The following ZNF407 variants were observed in gnomAD, a reference collection of about 807,000 sequenced individuals.
The protein encoded by ZNF407 is zinc finger protein 407.
ZNF407 carries 17 observed loss-of-function variants against 131.2 expected under a neutral mutation model. The observed-to-expected ratio is 0.13, with a 90% CI of 0.09 to 0.19. ZNF407 has a LOEUF of 0.19. Ranked by LOEUF, ZNF407 falls within the 10% of genes least tolerant of loss-of-function variation. The probability of loss-of-function intolerance (pLI) is 1.00; values close to 1 mark genes in which losing one functional copy is unlikely to be tolerated. For missense variants in ZNF407, 2,681 were observed against 2,830.6 expected, an observed-to-expected ratio of 0.95 and a Z score of 1.20; for synonymous variants, 1,156 against 1,062.0, an observed-to-expected ratio of 1.09 and a Z score of -1.72.
intron 7 of ZNF407, among the ~76,000 whole-genome samples, chr18:74,897,272 T>A (rs1238909235): frequency 6.6e-6 from 1 of 152,214 alleles, no homozygotes; most frequent in Non-Finnish European, 1.5e-5. Context: ...TTGGTTCACA[T>A]GTCTTTAAAA....
At chr18:74,814,554 T>G (rs1055007164) in intron 4 of ZNF407, among the ~76,000 whole-genome samples, 3 of 151,906 alleles carry the variant, frequency 2.0e-5, no homozygotes, top group Non-Finnish European at 4.4e-5. Context: ...AAATTCAGTT[T>G]GTTGAAGAAC....
intron 4 of ZNF407, among the ~76,000 whole-genome samples, chr18:74,824,523 A>G (rs1229585291): frequency 6.6e-6 from 1 of 152,206 alleles, no homozygotes; most frequent in Non-Finnish European, 1.5e-5. Context: ...AAAAAATGAT[A>G]AAGGGATATC....
rs772697324 is a variant in ZNF407, at chr18:74,889,961, A to G, written c.5172A>G (p.Thr1724=). ...GCGATGAGTGTAACTTTGCCTCCACAACTCAGTCCCATTTGACTCGGCATA... is the reference window on the plus strand; with the variant it reads ...GCGATGAGTGTAACTTTGCCTCCACGACTCAGTCCCATTTGACTCGGCATA... ...FKCDECNFAS[T]TQSHLTRHKR... Residue 1724 remains threonine (T), a synonymous_variant, in exon 7 of 9, where the codon ACA becomes ACG. Transcript: ENST00000299687. 2 of 1,610,066 alleles carry G rather than the reference A, an allele frequency of 1.2e-6. No homozygotes were observed. Among genetic ancestry groups the G allele is most frequent in the South Asian group, 2.2e-5 (2 of 89,968 alleles).
rs201946334 is a variant in ZNF407 at position 74,949,266 on chromosome 18, G to T, written c.5428+28574G>T. On this transcript the variant is annotated intron_variant, in intron 8 of 8. Coordinates refer to ENST00000299687, the MANE Select transcript of ZNF407 (RefSeq NM_017757.3). ...AAATGAAAAGCCCTTCGAACTATGA[G>T]CTAGTGGGTCTGGAACCCAGGCATT... Among the ~76,000 whole-genome samples the T allele has an allele frequency of 2.6e-5, 4 of 152,298 alleles. No homozygotes were observed. The East Asian group carries it at 7.7e-4, about 29-fold the overall frequency.
intron 3 of ZNF407, among the ~76,000 whole-genome samples, chr18:74,706,699 T>A (rs1170733098): frequency 1.3e-5 from 2 of 152,040 alleles, no homozygotes. Context: ...GCAAAGGGAT[T>A]GAGAGTGATT....
At chr18:74,971,288 C>G (rs375166410) in intron 8 of ZNF407, among the ~76,000 whole-genome samples, 1 of 152,224 alleles carries the variant, frequency 6.6e-6, no homozygotes, top group Non-Finnish European at 1.5e-5. Context: ...TTGCTACTTA[C>G]GCAAATTTCT....
intron 8 of ZNF407, among the ~76,000 whole-genome samples, chr18:74,947,870 A>G (rs1398525592): frequency 3.3e-5 from 5 of 152,120 alleles, no homozygotes; most frequent in African/African-American, 1.2e-4. Context: ...TCTTTTCTCC[A>G]TTTCTTATGA....
At chr18:74,851,509 C>T (rs1199422088) in intron 4 of ZNF407, among the ~76,000 whole-genome samples, 1 of 152,082 alleles carries the variant, frequency 6.6e-6, no homozygotes, top group African/African-American at 2.4e-5. Context: ...AGTATGGCCA[C>T]CTGAATGTGA....
At chr18:74,950,041 C>A (rs1972196333) in intron 8 of ZNF407, among the ~76,000 whole-genome samples, 1 of 152,136 alleles carries the variant, frequency 6.6e-6, no homozygotes, top group Non-Finnish European at 1.5e-5. Context: ...GTGTTTGAGG[C>A]CAAATGGGAA....
chr18:74,785,965 T>C (rs1969703362), intron 4 of ZNF407, among the ~76,000 whole-genome samples: 1 of 152,198 alleles, frequency 6.6e-6, no homozygotes, highest in African/African-American at 2.4e-5. Context: ...TGTGCAGTTG[T>C]GACTGATGCT....
chr18:74,650,368 A>C (rs552811257), intron 3 of ZNF407, among the ~76,000 whole-genome samples: 17 of 152,300 alleles, frequency 1.1e-4, no homozygotes, highest in African/African-American at 3.8e-4. Context: ...AGTCACTTTA[A>C]GGGATGCAAA....
intron 3 of ZNF407, among the ~76,000 whole-genome samples, chr18:74,730,682 T>C (rs1472057529): frequency 1.3e-5 from 2 of 152,236 alleles, no homozygotes; most frequent in Admixed American, 1.3e-4. Flanking sequence ...CGAAGACCCT[T>C]GGCAACCTTG....
At chr18:74,755,728 C>CCTTCCTTTCTTTCTTTCTTT (rs1555684064) in intron 3 of ZNF407, among the ~76,000 whole-genome samples, 63 of 63,476 alleles carry the variant, frequency 9.9e-4, no homozygotes, top group East Asian at 6.4e-3. Flanking sequence ...TTCTTTCTTT[C>CCTTCCTTTCTTTCTTTCTTT]CTTTCTTTCT....
intron 6 of ZNF407, among the ~76,000 whole-genome samples, chr18:74,888,097 AAGTC>A (rs1340340950): frequency 6.6e-6 from 1 of 152,202 alleles, no homozygotes; most frequent in Non-Finnish European, 1.5e-5. Context: ...TTTTCTAAGT[AAGTC>A]AGTATACTCA....
intron 3 of ZNF407, among the ~76,000 whole-genome samples, chr18:74,678,453 C>T (rs543878387): frequency 5.9e-5 from 9 of 152,302 alleles, no homozygotes; most frequent in East Asian, 1.9e-4. Context: ...CCATTTTCTG[C>T]GCACCTAGGC....
chr18:74,657,549 G>A (rs1245666342), intron 3 of ZNF407, among the ~76,000 whole-genome samples: 2 of 152,268 alleles, frequency 1.3e-5, no homozygotes, highest in African/African-American at 4.8e-5. Context: ...TTGTGTACAG[G>A]TATTAATGGA....
intron 3 of ZNF407, among the ~76,000 whole-genome samples, chr18:74,755,937 A>C (rs1470693673): frequency 4.0e-5 from 4 of 98,910 alleles, no homozygotes; most frequent in Admixed American, 1.7e-4. Context: ...TCTGTTGCCC[A>C]GGCTGGAGTG....
Position 74,653,396 on chromosome 18 carries a change from A to G in ZNF407, c.4802+12274A>G, listed in dbSNP as rs1004949307. Among the ~76,000 whole-genome samples the G allele has an allele frequency of 1.4e-4, 21 of 151,844 alleles. 1 individual carries two copies. The highest frequency in any genetic ancestry group is 5.1e-4 in the African/African-American group (21 of 41,404). On this transcript the variant is annotated intron_variant, in intron 3 of 8. Transcript: ENST00000299687. ...TTGCCAACTGAAGTTAGTAATAGTA[A>G]CTTAGGTTTAAACACCTAGAAAATG...
intron 3 of ZNF407, among the ~76,000 whole-genome samples, chr18:74,721,320 A>C (rs561980263): frequency 1.2e-3 from 177 of 152,204 alleles, no homozygotes; most frequent in African/African-American, 3.9e-3. Context: ...GTGTGTAGAC[A>C]TACTTCTGGA....
Sources: allele counts gnomAD v4.1 joint callset (sites outside exome capture counted in the v4.1 genomes callset), GRCh38; gene constraint gnomAD v4.1.1; transcripts MANE v1.5; gene names NCBI Gene and HGNC (gene_info 2026-07-23, HGNC 2026-07-21).